MAGI2: variants seen among roughly 807,000 people sequenced by gnomAD.
MAGI2 encodes the protein membrane associated guanylate kinase, WW and PDZ domain containing 2.
MAGI2 carries 35 observed loss-of-function variants against 133.3 expected under a neutral mutation model. That is an observed-to-expected ratio of 0.26 (90% CI 0.20 to 0.35). The LOEUF (loss-of-function observed/expected upper bound fraction) is 0.35, where lower values mean the gene tolerates loss of function less well. MAGI2 is among the 10% of genes least tolerant of loss of function. The probability of loss-of-function intolerance (pLI) is 1.00; values close to 1 mark genes in which losing one functional copy is unlikely to be tolerated. For synonymous variants in MAGI2, 729 were observed against 710.6 expected, an observed-to-expected ratio of 1.03 and a Z score of -0.41; for missense variants, 1,636 against 1,863.4, an observed-to-expected ratio of 0.88 and a Z score of 2.25.
intron 2 of MAGI2, among the ~76,000 whole-genome samples, chr7:78,896,728 C>T (rs1435970822): frequency 2.6e-5 from 4 of 151,604 alleles, no homozygotes; most frequent in Admixed American, 6.6e-5. Context: ...CCACTACGCC[C>T]GGCTACTGTT....
intron 6 of MAGI2, among the ~76,000 whole-genome samples, chr7:78,453,050 T>C (rs192333219): frequency 1.3e-5 from 2 of 152,288 alleles, no homozygotes; most frequent in African/African-American, 2.4e-5. Flanking sequence ...TGAATGTTAA[T>C]AGCCTCTTTC....
At chr7:78,711,142 C>G (rs1819144099) in intron 2 of MAGI2, among the ~76,000 whole-genome samples, 1 of 152,118 alleles carries the variant, frequency 6.6e-6, no homozygotes, top group Admixed American at 6.6e-5. Flanking sequence ...GTGTGTTAAA[C>G]TTGCACATCA....
At chr7:78,965,980 T>G (rs1272283558) in intron 2 of MAGI2, among the ~76,000 whole-genome samples, 1 of 151,934 alleles carries the variant, frequency 6.6e-6, no homozygotes, top group South Asian at 2.1e-4. Flanking sequence ...TCTAAAGTAT[T>G]CAGGATATAA....
intron 15 of MAGI2, among the ~76,000 whole-genome samples, 173 bp from the exon 16 acceptor site, chr7:78,160,446 C>T (rs955737707): frequency 6.6e-6 from 1 of 152,220 alleles, no homozygotes; most frequent in Non-Finnish European, 1.5e-5. Context: ...AGGCGTGGAG[C>T]TCCCAAGGTC....
intron 2 of MAGI2, among the ~76,000 whole-genome samples, chr7:78,994,417 T>G (rs1002937282): frequency 6.6e-6 from 1 of 152,116 alleles, no homozygotes; most frequent in African/African-American, 2.4e-5. Flanking sequence ...AGAGCAGTTA[T>G]GGAAATAAGT....
At chr7:78,717,448 C>CCTG (rs1819828797) in intron 2 of MAGI2, among the ~76,000 whole-genome samples, 1 of 152,132 alleles carries the variant, frequency 6.6e-6, no homozygotes, top group Non-Finnish European at 1.5e-5. Flanking sequence ...CAGGACCTTA[C>CCTG]TATGGTGAAA....
chr7:78,207,904 G>A (rs913870507), intron 10 of MAGI2, among the ~76,000 whole-genome samples: 8 of 152,096 alleles, frequency 5.3e-5, no homozygotes, highest in African/African-American at 1.7e-4. Context: ...TTAAGATGGA[G>A]TCTCACTCTG....
intron 7 of MAGI2, among the ~76,000 whole-genome samples, chr7:78,350,719 T>A (rs1372748677): frequency 6.6e-6 from 1 of 152,168 alleles, no homozygotes; most frequent in African/African-American, 2.4e-5. Context: ...CCTGTTTGCC[T>A]GCCATTTTCT....
At chr7:79,072,942 A>C (rs1815120367) in intron 1 of MAGI2, among the ~76,000 whole-genome samples, 1 of 152,188 alleles carries the variant, frequency 6.6e-6, no homozygotes, top group African/African-American at 2.4e-5. Flanking sequence ...TGATCTTTAA[A>C]TTTGATCCCT....
chr7:78,870,051 C>T (rs150849176), intron 2 of MAGI2, among the ~76,000 whole-genome samples: 58 of 152,102 alleles, frequency 3.8e-4, no homozygotes, highest in African/African-American at 1.3e-3. Context: ...GTTCTTTTTG[C>T]TTAGTCTTTC....
intron 2 of MAGI2, among the ~76,000 whole-genome samples, chr7:78,703,583 C>A (rs12666760): frequency 0.022 from 3,366 of 152,046 alleles, 100 homozygotes; most frequent in African/African-American, 0.068. Flanking sequence ...TGTCCATGAA[C>A]TAATGCTCCA....
intron 6 of MAGI2, among the ~76,000 whole-genome samples, chr7:78,383,822 T>C (rs1795140052): frequency 6.6e-6 from 1 of 152,078 alleles, no homozygotes; most frequent in African/African-American, 2.4e-5. Context: ...CACACGACAA[T>C]TTTCCCAGCA....
At chr7:78,612,060 C>T (rs1293990042) in intron 3 of MAGI2, among the ~76,000 whole-genome samples, 1 of 152,142 alleles carries the variant, frequency 6.6e-6, no homozygotes, top group Non-Finnish European at 1.5e-5. Flanking sequence ...ATTAGATATA[C>T]ATCTCTACTC....
At chr7:79,379,471 A>G (rs905273510) in intron 1 of MAGI2, among the ~76,000 whole-genome samples, 2 of 152,002 alleles carry the variant, frequency 1.3e-5, no homozygotes, top group Non-Finnish European at 2.9e-5. Flanking sequence ...CTTTGGGTAT[A>G]TACCCAGTAA....
At chr7:78,889,240 A>T (rs191440183) in intron 2 of MAGI2, among the ~76,000 whole-genome samples, 329 of 152,348 alleles carry the variant, frequency 2.2e-3, no homozygotes, top group African/African-American at 7.6e-3. Flanking sequence ...GAGAAGACCA[A>T]ATCTACGTCT....
chr7:79,338,427 G>A (rs912411523), intron 1 of MAGI2, among the ~76,000 whole-genome samples: 2 of 152,158 alleles, frequency 1.3e-5, no homozygotes, highest in African/African-American at 4.8e-5. Context: ...GATTGGGAAT[G>A]TTATTTTAGC....
intron 1 of MAGI2, among the ~76,000 whole-genome samples, chr7:79,379,717 G>C (rs565435746): frequency 4.6e-5 from 7 of 151,950 alleles, no homozygotes; most frequent in Admixed American, 1.3e-4. Context: ...GGCCAGTGAT[G>C]ATGAGCATTT....
chr7:79,147,099 A>G (rs917484308), intron 1 of MAGI2, among the ~76,000 whole-genome samples: 1 of 152,240 alleles, frequency 6.6e-6, no homozygotes, highest in Non-Finnish European at 1.5e-5. Context: ...TCTATGCTTC[A>G]CTTTTCTCAT....
chr7:78,955,144 A>T (rs187772946), intron 2 of MAGI2, among the ~76,000 whole-genome samples: 30 of 152,234 alleles, frequency 2.0e-4, no homozygotes, highest in African/African-American at 6.7e-4. Flanking sequence ...ACTTAATGAG[A>T]CCATTTCATA....
Sources: allele counts gnomAD v4.1 joint callset (sites outside exome capture counted in the v4.1 genomes callset), GRCh38; gene constraint gnomAD v4.1.1; transcripts MANE v1.5; gene names NCBI Gene and HGNC (gene_info 2026-07-23, HGNC 2026-07-21).